Variants in ARL15 observed in about 807,000 individuals in gnomAD.
The protein encoded by ARL15 is ADP-ribosylation factor-like protein 15.
A neutral mutation model predicts 25.2 loss-of-function variants in ARL15; 19 were observed. The ratio of observed to expected loss-of-function variants is 0.75; its 90% CI spans 0.53 to 1.10. The LOEUF is 1.10. Among genes scored for constraint, ARL15 ranks in the 50% least tolerant of loss-of-function variants. The probability of loss-of-function intolerance (pLI) is 0.00; values close to 1 mark genes in which losing one functional copy is unlikely to be tolerated. For missense variants in ARL15, 220 were observed against 246.0 expected (o/e 0.89, Z 0.71); for synonymous variants, 94 against 86.8 (o/e 1.08, Z -0.46).
chr5:54,025,315 A>G (rs1357495083), intron 4 of ARL15, among the ~76,000 whole-genome samples: 2 of 151,868 alleles, frequency 1.3e-5, no homozygotes, highest in Non-Finnish European at 2.9e-5. Flanking sequence ...AAAGCAAACA[A>G]CAGTCACATA....
intron 1 of ARL15, among the ~76,000 whole-genome samples, chr5:54,266,285 T>A (rs1392754831): frequency 6.6e-6 from 1 of 152,196 alleles, no homozygotes; most frequent in Non-Finnish European, 1.5e-5. Context: ...CCTCTCCCCG[T>A]GGCTGTACAT....
At chr5:54,130,344 A>G (rs1240803614) in intron 3 of ARL15, among the ~76,000 whole-genome samples, 2 of 152,224 alleles carry the variant, frequency 1.3e-5, no homozygotes, top group Non-Finnish European at 2.9e-5. Context: ...GTGTTCTGGG[A>G]AGCACTCTCT....
chr5:53,956,003 C>T (rs1580116194), intron 4 of ARL15, among the ~76,000 whole-genome samples: 1 of 151,906 alleles, frequency 6.6e-6, no homozygotes, highest in Non-Finnish European at 1.5e-5. Context: ...TTGTTGTTGT[C>T]GTTGTTTTGA....
rs114989019 is a variant in ARL15, at chr5:53,898,797, C to T, written c.463-12084G>A. On this transcript the variant is annotated intron_variant, in intron 4 of 4. Transcript: ENST00000504924. ...CCTCCTGAGTAGCGAGGACCACAGGCGTGTACCACCATGCCTGGCTAATTT... is the reference window on the plus strand; with the variant it reads ...CCTCCTGAGTAGCGAGGACCACAGGTGTGTACCACCATGCCTGGCTAATTT... Among the ~76,000 whole-genome samples the T allele has an allele frequency of 8.1e-3, 1,226 of 151,762 alleles. 3 individuals are homozygous for T. The highest frequency in any genetic ancestry group is 0.013 in the Non-Finnish European group (869 of 67,940).
intron 4 of ARL15, among the ~76,000 whole-genome samples, chr5:53,976,675 GAGA>G (rs1747936756): frequency 6.6e-6 from 1 of 152,164 alleles, no homozygotes; most frequent in South Asian, 2.1e-4. Flanking sequence ...ATGCATTTGA[GAGA>G]AGATGAGCTC....
At chr5:54,171,216 C>A (rs1326308388) in intron 2 of ARL15, among the ~76,000 whole-genome samples, 2 of 152,090 alleles carry the variant, frequency 1.3e-5, no homozygotes, top group Non-Finnish European at 2.9e-5. Flanking sequence ...CAGTAATACC[C>A]CTCCCCACAA....
intron 4 of ARL15, among the ~76,000 whole-genome samples, chr5:53,956,989 C>T (rs1747181626): frequency 6.6e-6 from 1 of 151,580 alleles, no homozygotes; most frequent in African/African-American, 2.4e-5. Flanking sequence ...CCAACTTACA[C>T]ATAATGGGAA....
At chr5:54,303,655 CAA>C (rs749656181) in intron 1 of ARL15, among the ~76,000 whole-genome samples, 11 of 32,446 alleles carry the variant, frequency 3.4e-4, no homozygotes, top group Admixed American at 3.4e-4. Context: ...GAGACCCTGT[CAA>C]AAAAAAAAAA....
chr5:54,304,200 T>C (rs1388303830), intron 1 of ARL15, among the ~76,000 whole-genome samples: 2 of 152,208 alleles, frequency 1.3e-5, no homozygotes, highest in South Asian at 2.1e-4. Flanking sequence ...AGGGAACTAC[T>C]TGTAGGTGGA....
At chr5:54,193,353 C>T (rs1755458854) in intron 1 of ARL15, among the ~76,000 whole-genome samples, 1 of 152,070 alleles carries the variant, frequency 6.6e-6, no homozygotes, top group South Asian at 2.1e-4. Flanking sequence ...TACTCTAATC[C>T]AGGGGTCCTC....
chr5:54,154,562 T>A lies in ARL15; in HGVS notation c.253+18A>T, dbSNP rs1244474012. 6.8e-7 allele frequency: 1 copy of A among 1,481,322 alleles called. No individual in the cohort carries two copies. The highest frequency in any genetic ancestry group is 1.3e-5 in the South Asian group (1 of 75,560). 91.8% of individuals were successfully genotyped at this position (1,481,322 alleles called of 1,614,324 possible). ...TAAAAGTTAAGGGCAGACATAGAAA[T>A]GATTTGAAATGTTATACCTCCAAGT... is the stretch of plus-strand genomic sequence containing the variant. On this transcript the variant is annotated intron_variant, in intron 3 of 4. Coordinates refer to ENST00000504924, the MANE Select transcript of ARL15 (RefSeq NM_019087.3).
intron 3 of ARL15, among the ~76,000 whole-genome samples, chr5:54,143,997 T>C (rs754174525): frequency 7.4e-4 from 112 of 152,202 alleles, no homozygotes; most frequent in Admixed American, 1.4e-3. Flanking sequence ...AATATACTTT[T>C]ATGCTTGTTT....
intron 1 of ARL15, among the ~76,000 whole-genome samples, chr5:54,309,993 G>A (rs766004098): frequency 1.3e-5 from 2 of 152,226 alleles, no homozygotes; most frequent in African/African-American, 2.4e-5. Flanking sequence ...AAATGACCAG[G>A]GCTGCTGGGC....
At chr5:54,000,139 CT>C (rs1457784672) in intron 4 of ARL15, among the ~76,000 whole-genome samples, 1 of 152,126 alleles carries the variant, frequency 6.6e-6, no homozygotes, top group Non-Finnish European at 1.5e-5. Flanking sequence ...AAAGAACACT[CT>C]TTTCTTTTCC....
At chr5:54,004,772 ATT>A (rs1209166220) in intron 4 of ARL15, among the ~76,000 whole-genome samples, 1 of 148,790 alleles carries the variant, frequency 6.7e-6, no homozygotes, top group Non-Finnish European at 1.5e-5. Flanking sequence ...ATTACATGTG[ATT>A]TTGTGTGTGT....
chr5:54,109,794 C>G (rs1392309993), intron 4 of ARL15, among the ~76,000 whole-genome samples: 2 of 151,896 alleles, frequency 1.3e-5, no homozygotes, highest in African/African-American at 2.4e-5. Context: ...CGAATGCTTT[C>G]TATAGAGAAA....
intron 1 of ARL15, among the ~76,000 whole-genome samples, chr5:54,252,884 C>T (rs1160469020): frequency 6.6e-6 from 1 of 152,026 alleles, no homozygotes; most frequent in Non-Finnish European, 1.5e-5. Context: ...CACCACCATG[C>T]CTGGAATGTT....
chr5:53,887,047 C>T (rs770528274), intron 4 of ARL15, among the ~76,000 whole-genome samples: 9 of 152,098 alleles, frequency 5.9e-5, no homozygotes, highest in Non-Finnish European at 1.3e-4. Context: ...CCAAAAGATT[C>T]GATTTCATCA....
chr5:53,972,879 G>A (rs944257338), intron 4 of ARL15, among the ~76,000 whole-genome samples: 9 of 152,108 alleles, frequency 5.9e-5, no homozygotes, highest in Admixed American at 5.9e-4. Flanking sequence ...CTTCTGTTAC[G>A]TACTGGAAGT....
Sources: allele counts gnomAD v4.1 joint callset (sites outside exome capture counted in the v4.1 genomes callset), GRCh38; gene constraint gnomAD v4.1.1; transcripts MANE v1.5; gene names NCBI Gene and HGNC (gene_info 2026-07-23, HGNC 2026-07-21).